ERC1: variants seen among roughly 807,000 people sequenced by gnomAD.
ERC1 encodes RAB6 interacting protein 2.
Under a neutral mutation model 132.0 loss-of-function variants are expected in ERC1, and 56 were observed. That is an observed-to-expected ratio of 0.42 (90% CI 0.34 to 0.53). The LOEUF (loss-of-function observed/expected upper bound fraction) is 0.53. Ranked by LOEUF, ERC1 falls within the 20% of genes least tolerant of loss-of-function variation. The probability of loss-of-function intolerance (pLI) is 0.03; values close to 1 mark genes in which losing one functional copy is unlikely to be tolerated. For missense variants in ERC1, 1,202 were observed against 1,349.9 expected, an observed-to-expected ratio of 0.89 and a Z score of 1.72; for synonymous variants, 478 against 476.1, an observed-to-expected ratio of 1.00 and a Z score of -0.05.
At chr12:1,248,675 A>T (rs912772818) in intron 13 of ERC1, among the ~76,000 whole-genome samples, 3 of 152,178 alleles carry the variant, frequency 2.0e-5, no homozygotes, top group Non-Finnish European at 4.4e-5. Context: ...CATTTTCAGG[A>T]TACTGTTTTT....
At chr12:1,322,058 C>G (rs778438367) in intron 15 of ERC1, among the ~76,000 whole-genome samples, 3 of 151,434 alleles carry the variant, frequency 2.0e-5, no homozygotes, top group East Asian at 1.9e-4. Context: ...TGTTTTGATG[C>G]TTTGATAAGT....
intron 2 of ERC1, among the ~76,000 whole-genome samples, chr12:1,066,962 C>T (rs1939328178): frequency 6.6e-6 from 1 of 151,960 alleles, no homozygotes; most frequent in South Asian, 2.1e-4. Context: ...CATGTGCCAC[C>T]ACACCCAGCT....
At chr12:1,137,988 TAA>T (rs1566058711) in intron 7 of ERC1, among the ~76,000 whole-genome samples, 1 of 131,518 alleles carries the variant, frequency 7.6e-6, no homozygotes, top group African/African-American at 2.9e-5. Flanking sequence ...ATAGTATATA[TAA>T]TATATATTAA....
chr12:1,358,847 A>AG (rs2085793010), intron 15 of ERC1, among the ~76,000 whole-genome samples: 1 of 152,230 alleles, frequency 6.6e-6, no homozygotes, highest in Non-Finnish European at 1.5e-5. Flanking sequence ...GATGAAGCTA[A>AG]GTAGTAGGTT....
rs902365187 is a variant in ERC1, at chr12:1,494,617, G to C, written c.*4387G>C. On this transcript the variant is annotated 3_prime_UTR_variant, in exon 19 of 19. Coordinates refer to ENST00000360905, the MANE Select transcript of ERC1 (RefSeq NM_178040.4). Reference sequence around the variant, plus strand: ...GGCAAGTGCTGTGGCCCTGTTGTAGGTACTTCTCCTGACTCTTGGGGGAGA... The same window carrying C: ...GGCAAGTGCTGTGGCCCTGTTGTAGCTACTTCTCCTGACTCTTGGGGGAGA... 9 of 230,796 alleles carry C rather than the reference G, an allele frequency of 3.9e-5. No individual in the cohort carries two copies. Among genetic ancestry groups the C allele is most frequent in the African/African-American group, 2.0e-4 (9 of 45,174 alleles). 14.3% of individuals were successfully genotyped at this position (230,796 alleles called of 1,614,324 possible). A position where few individuals can be genotyped will look rare whatever the true frequency, so the allele number is the denominator to read the frequency against.
Position 1,364,201 on chromosome 12 carries a change from T to G in ERC1, c.2781-7632T>G, listed in dbSNP as rs570704549. Among the ~76,000 whole-genome samples, 3 of 152,360 alleles carry G rather than the reference T, an allele frequency of 2.0e-5. No homozygotes were observed. In the East Asian group the frequency reaches 5.8e-4, roughly 29 times the overall value. On this transcript the variant is annotated intron_variant, in intron 15 of 18. Coordinates refer to ENST00000360905, the MANE Select transcript of ERC1 (RefSeq NM_178040.4). ...TCAGACAGCAGCGTTTTATTCTTCA[T>G]TCTTTAGGAACTGTTTTTGTAATAT...
chr12:1,154,310 T>TGCAC (rs1491296233), intron 8 of ERC1, among the ~76,000 whole-genome samples: 1 of 147,814 alleles, frequency 6.8e-6, no homozygotes, highest in Non-Finnish European at 1.5e-5. Context: ...TGCATATATA[T>TGCAC]GTGTGTGTGT....
chr12:1,013,097 C>T (rs1296520549), intron 1 of ERC1, among the ~76,000 whole-genome samples: 2 of 152,016 alleles, frequency 1.3e-5, no homozygotes, highest in Non-Finnish European at 2.9e-5. Context: ...GAGCTGATCA[C>T]GATGTAGTAT....
intron 8 of ERC1, among the ~76,000 whole-genome samples, chr12:1,163,453 G>C (rs1389829990): frequency 6.6e-6 from 1 of 152,194 alleles, no homozygotes; most frequent in East Asian, 1.9e-4. Flanking sequence ...TAAAATGGAT[G>C]TATTGTGATA....
In ERC1 at chr12:1,283,644, T is replaced by C. The variant is rs79253259; in HGVS notation, c.2620-6208T>C. On this transcript the variant is annotated intron_variant, in intron 14 of 18. Transcript: ENST00000360905. ...AATACTAAAATGCTTTAGAACTTACTTGGATATATGTATAATCTGAGGCAG... is the reference window on the plus strand; with the variant it reads ...AATACTAAAATGCTTTAGAACTTACCTGGATATATGTATAATCTGAGGCAG... 6.5e-3 allele frequency among the ~76,000 whole-genome samples: 985 copies of C among 152,358 alleles called. 11 individuals carry two copies. The highest frequency in any genetic ancestry group is 0.022 in the African/African-American group (923 of 41,580).
intron 14 of ERC1, among the ~76,000 whole-genome samples, chr12:1,268,796 A>C (rs1290939938): frequency 6.6e-6 from 1 of 152,210 alleles, no homozygotes; most frequent in African/African-American, 2.4e-5. Flanking sequence ...CTAGGCAAAG[A>C]AATGGAAGAT....
At chr12:1,401,222 C>A (rs1050556835) in intron 16 of ERC1, among the ~76,000 whole-genome samples, 1 of 151,996 alleles carries the variant, frequency 6.6e-6, no homozygotes, top group African/African-American at 2.4e-5. Context: ...GCGTGAGCCA[C>A]CGCGCCCAGC....
intron 16 of ERC1, among the ~76,000 whole-genome samples, chr12:1,374,799 G>T (rs1257538541): frequency 2.0e-5 from 3 of 149,956 alleles, no homozygotes; most frequent in East Asian, 3.9e-4. Context: ...TTATAGGCAG[G>T]CTGGGCTTTT....
intron 8 of ERC1, among the ~76,000 whole-genome samples, chr12:1,158,670 C>T (rs1291080088): frequency 6.8e-6 from 1 of 147,928 alleles, no homozygotes; most frequent in Non-Finnish European, 1.5e-5. Context: ...TCAGGCTGGT[C>T]TCGAACTCCC....
chr12:1,106,640 G>A (rs967844350), intron 4 of ERC1, among the ~76,000 whole-genome samples: 2 of 151,896 alleles, frequency 1.3e-5, no homozygotes, highest in African/African-American at 4.8e-5. Flanking sequence ...GTATAATCTT[G>A]TAAAGGGCCT....
chr12:1,440,668 G>GTGTGTGTGTGTGTGTGT (rs2093123666), intron 17 of ERC1, among the ~76,000 whole-genome samples: 6 of 106,280 alleles, frequency 5.6e-5, no homozygotes, highest in Admixed American at 5.1e-4. Flanking sequence ...GTGTGTGTGT[G>GTGTGTGTGTGTGTGTGT]ATGGAGTCTC....
intron 15 of ERC1, among the ~76,000 whole-genome samples, chr12:1,361,185 A>C (rs1044939767): frequency 3.4e-5 from 5 of 145,222 alleles, no homozygotes; most frequent in Non-Finnish European, 6.0e-5. Flanking sequence ...ATGCTATTTC[A>C]GTCTCTGGAC....
In ERC1 at chr12:1,402,936, A is replaced by G. The variant is rs912835326; in HGVS notation, c.2926-5213A>G. Among the ~76,000 whole-genome samples, 5 of 152,362 alleles carry G rather than the reference A, an allele frequency of 3.3e-5. No individual in the cohort carries two copies. In the East Asian group the frequency reaches 9.6e-4, roughly 29 times the overall value. On this transcript the variant is annotated intron_variant, in intron 16 of 18. Transcript: ENST00000360905. ...CTCAGATTTTTTTTATCAATACTAA[A>G]ACACAAATCTAATTAGAATTTAAAC...
chr12:1,157,296 G>A (rs994471997), intron 8 of ERC1, among the ~76,000 whole-genome samples: 4 of 152,180 alleles, frequency 2.6e-5, no homozygotes, highest in African/African-American at 9.7e-5. Flanking sequence ...GTAGAGACAG[G>A]GTTTTGCCAT....
Sources: allele counts gnomAD v4.1 joint callset (sites outside exome capture counted in the v4.1 genomes callset), GRCh38; gene constraint gnomAD v4.1.1; transcripts MANE v1.5; gene names NCBI Gene and HGNC (gene_info 2026-07-23, HGNC 2026-07-21).